The following OSBPL6 variants were observed in gnomAD, a reference collection of about 807,000 sequenced individuals.
OSBPL6 encodes oxysterol binding protein like 6.
Under a neutral mutation model 125.8 loss-of-function variants are expected in OSBPL6, and 49 were observed. The observed-to-expected ratio is 0.39, with a 90% confidence interval of 0.31 to 0.49. The LOEUF (loss-of-function observed/expected upper bound fraction) is 0.49, where lower values mean the gene tolerates loss of function less well. Ranked by LOEUF, OSBPL6 falls within the 20% of genes least tolerant of loss-of-function variation. The pLI, the probability that OSBPL6 is intolerant of heterozygous loss-of-function variation, is 0.88. For missense variants in OSBPL6, 986 were observed against 1,135.4 expected (o/e 0.87, Z 1.89); for synonymous variants, 394 against 391.8 (o/e 1.01, Z -0.07).
chr2:178,312,894 C>CCTTCTTT (rs1687414849), intron 3 of OSBPL6, among the ~76,000 whole-genome samples: 1 of 151,742 alleles, frequency 6.6e-6, no homozygotes, highest in Non-Finnish European at 1.5e-5. Flanking sequence ...ACATTTCTTT[C>CCTTCTTT]CTTCTTTCTT....
intron 11 of OSBPL6, among the ~76,000 whole-genome samples, chr2:178,342,721 A>G (rs1690323591): frequency 6.6e-6 from 1 of 152,222 alleles, no homozygotes; most frequent in Non-Finnish European, 1.5e-5. Context: ...TAAATGAAGT[A>G]AGAGGAAGGC....
At chr2:178,223,730 AT>A (rs1489049641) in intron 1 of OSBPL6, among the ~76,000 whole-genome samples, 6 of 152,192 alleles carry the variant, frequency 3.9e-5, no homozygotes, top group Non-Finnish European at 7.3e-5. Flanking sequence ...ACACTCACCT[AT>A]TGTTACTCAT....
chr2:178,222,121 AG>A (rs1448433316), intron 1 of OSBPL6, among the ~76,000 whole-genome samples: 1 of 152,192 alleles, frequency 6.6e-6, no homozygotes, highest in Non-Finnish European at 1.5e-5. Context: ...TTCCAGCCCC[AG>A]GAAGTTCTGC....
At chr2:178,265,655 G>A (rs966440650) in intron 1 of OSBPL6, among the ~76,000 whole-genome samples, 8 of 152,146 alleles carry the variant, frequency 5.3e-5, no homozygotes, top group African/African-American at 1.9e-4. Flanking sequence ...AAGCATGGCA[G>A]CCTTTTGGTG....
At position 178,333,045 on chromosome 2, in the gene OSBPL6, T is replaced by C; in HGVS notation, c.657+4T>C. 1 of 1,613,450 alleles carries C rather than the reference T, an allele frequency of 6.2e-7. No homozygotes were observed. The highest frequency in any genetic ancestry group is 8.5e-7 in the Non-Finnish European group (1 of 1,179,846). On this transcript the variant is annotated splice_donor_region_variant and intron_variant, in intron 8 of 24. Transcript: ENST00000190611. Reference sequence around the variant, plus strand: ...TGTTTCTGTAATGGATGGAAAGGTATGACTTTGTTCTATAAAAACCAGCCT... The same window carrying C: ...TGTTTCTGTAATGGATGGAAAGGTACGACTTTGTTCTATAAAAACCAGCCT...
chr2:178,257,070 A>G (rs1293179260), intron 1 of OSBPL6, among the ~76,000 whole-genome samples: 1 of 152,212 alleles, frequency 6.6e-6, no homozygotes, highest in Non-Finnish European at 1.5e-5. Context: ...TGGAAGGCCA[A>G]ATATCTAGCT....
At chr2:178,355,329 A>T (rs7579706) in intron 12 of OSBPL6, among the ~76,000 whole-genome samples, 4,783 of 152,288 alleles carry the variant, frequency 0.031, 239 homozygotes, top group African/African-American at 0.11. Flanking sequence ...AACAAAATTG[A>T]TAGACTGCTA....
At chr2:178,344,326 G>A (rs113320485) in intron 11 of OSBPL6, 29 of 1,614,006 alleles carry the variant, frequency 1.8e-5, no homozygotes, top group South Asian at 4.4e-5. Flanking sequence ...ACAACTCGGC[G>A]CCGGCAGAGG....
chr2:178,376,096 C>A (rs564991638), intron 15 of OSBPL6, among the ~76,000 whole-genome samples: 2 of 152,064 alleles, frequency 1.3e-5, no homozygotes, highest in Non-Finnish European at 2.9e-5. Context: ...ACCTGTCAGG[C>A]ATTTGCATAT....
Position 178,317,437 on chromosome 2 carries a change from CATATATATATATATATATATAT to C in OSBPL6, c.103-6718_103-6697del, listed in dbSNP as rs6147046. Among the ~76,000 whole-genome samples the C allele has an allele frequency of 6.1e-4, 65 of 106,986 alleles. 1 individual carries two copies. Among genetic ancestry groups the C allele is most frequent in the Non-Finnish European group, 6.9e-4 (38 of 54,706 alleles). 70.2% of individuals were successfully genotyped at this position (106,986 alleles called of 152,430 possible). A position where few individuals can be genotyped will look rare whatever the true frequency, so the allele number is the denominator to read the frequency against. Reference sequence around the variant, plus strand: ...TATGTCGCAGCAGAAACTTAGACACCATATATATATATATATATATATATATATATATATATATATATAGAAT... The same window carrying C: ...TATGTCGCAGCAGAAACTTAGACACCATATATATATATATATATATAGAAT... On this transcript the variant is annotated intron_variant, in intron 3 of 24. Transcript: ENST00000190611.
chr2:178,301,314 T>A (rs1686259882), intron 2 of OSBPL6, among the ~76,000 whole-genome samples: 1 of 152,198 alleles, frequency 6.6e-6, no homozygotes, highest in Admixed American at 6.5e-5. Context: ...CAAAATATAC[T>A]GAGTACAACC....
chr2:178,298,538 C>T (rs1474968128), intron 2 of OSBPL6, among the ~76,000 whole-genome samples: 1 of 152,172 alleles, frequency 6.6e-6, no homozygotes, highest in Non-Finnish European at 1.5e-5. Context: ...ATTCTCCTGC[C>T]TCAGCCTCTT....
At chr2:178,243,591 C>A (rs2091375469) in intron 1 of OSBPL6, among the ~76,000 whole-genome samples, 1 of 152,168 alleles carries the variant, frequency 6.6e-6, no homozygotes, top group South Asian at 2.1e-4. Flanking sequence ...TCATCCCCTT[C>A]TCCCAACTCT....
At chr2:178,230,045 G>A (rs2090752910) in intron 1 of OSBPL6, among the ~76,000 whole-genome samples, 1 of 152,058 alleles carries the variant, frequency 6.6e-6, no homozygotes, top group South Asian at 2.1e-4. Context: ...TCATCTTCAG[G>A]GTAGAAGCTG....
chr2:178,205,758 G>A (rs572136740), intron 1 of OSBPL6, among the ~76,000 whole-genome samples: 3 of 152,146 alleles, frequency 2.0e-5, no homozygotes, highest in East Asian at 1.9e-4. Flanking sequence ...ATTGAAACAC[G>A]AATTCATTAA....
At chr2:178,380,137 G>A (rs185489055) in intron 15 of OSBPL6, among the ~76,000 whole-genome samples, 24 of 152,114 alleles carry the variant, frequency 1.6e-4, no homozygotes, top group African/African-American at 5.8e-4. Context: ...GTTCATAAAG[G>A]GTGAAATTTA....
intron 15 of OSBPL6, among the ~76,000 whole-genome samples, chr2:178,377,396 C>T (rs896661175): frequency 4.6e-5 from 7 of 152,204 alleles, no homozygotes; most frequent in African/African-American, 4.8e-5. Context: ...CAGAGAAAAC[C>T]GTTCCCATGA....
At chr2:178,360,813 G>A (rs777539487) in intron 12 of OSBPL6, among the ~76,000 whole-genome samples, 8 of 152,062 alleles carry the variant, frequency 5.3e-5, no homozygotes, top group African/African-American at 7.2e-5. Context: ...TCAATAGATC[G>A]TGAATCCCTT....
intron 13 of OSBPL6, among the ~76,000 whole-genome samples, chr2:178,367,908 G>A (rs750618967): frequency 5.3e-5 from 8 of 152,118 alleles, no homozygotes; most frequent in South Asian, 4.1e-4. Context: ...CACTAATAGC[G>A]ATGTTATTGC....
Sources: gnomAD v4.1 joint callset for allele counts (sites outside exome capture counted in the v4.1 genomes callset) on GRCh38, gnomAD v4.1.1 for gene constraint, MANE v1.5 for transcripts, NCBI Gene and HGNC (gene_info 2026-07-23, HGNC 2026-07-21) for gene names.